TAF7: variants seen among roughly 807,000 people sequenced by gnomAD.
TAF7 encodes the protein transcription initiation factor TFIID subunit 7.
Under a neutral mutation model 25.3 loss-of-function variants are expected in TAF7, and 9 were observed. The observed-to-expected ratio is 0.36, with a 90% CI of 0.21 to 0.62. The LOEUF is 0.62. Ranked by LOEUF, TAF7 falls within the 20% of genes least tolerant of loss-of-function variation. The pLI is 0.72. For synonymous variants in TAF7, 127 were observed against 146.7 expected, an observed-to-expected ratio of 0.87 and a Z score of 0.97; for missense variants, 311 against 410.6, an observed-to-expected ratio of 0.76 and a Z score of 2.10.
In TAF7 at chr5:141,319,956, C is replaced by A; in HGVS notation, c.89G>T (p.Arg30Met). ...LPPEYASTVRRAVQSGHVNLK... is the reference protein window; with the variant it reads ...LPPEYASTVRMAVQSGHVNLK... Reference sequence around the variant, plus strand: ...GTTGACATGACCAGACTGTACTGCCCTTCTCACAGTAGAGGCATATTCTGG... The same window carrying A: ...GTTGACATGACCAGACTGTACTGCCATTCTCACAGTAGAGGCATATTCTGG... Residue 30 changes from arginine to methionine, a missense_variant, in exon 1 of 1, where the codon AGG becomes ATG. Physicochemically the swap from Arg to Met is moderately conservative, Grantham distance 91 (BLOSUM62 -1). Around this residue, in one of 3 missense-constraint regions of TAF7, gnomAD observed 119 missense variants for 159.3 expected, o/e 0.75. Transcript: ENST00000313368. The surrounding 1 kb of genome is among the most constrained non-coding windows in gnomAD (Gnocchi z 5.3). 6.2e-7 allele frequency: 1 copy of A among 1,613,998 alleles called. No homozygotes were observed. Among genetic ancestry groups the A allele is most frequent in the East Asian group, 2.2e-5 (1 of 44,878 alleles).
chr5:141,319,774 T>C lies in TAF7; in HGVS notation c.271A>G (p.Ile91Val), dbSNP rs1470768697. The change falls in exon 1 of 1, where the codon ATC (isoleucine) becomes GTC (valine). Residue 91 changes from isoleucine to valine, a missense_variant. Coordinates refer to ENST00000313368, the MANE Select transcript of TAF7 (RefSeq NM_005642.3). This position sits in a 1 kb window ranked among gnomAD's most constrained non-coding sequence, Gnocchi z 5.3. ...ACTGTGGATACAAGCATCTGACAGA[T>C]ATCAGCTGTCTTGTAAAAAGTTTTT... is the stretch of plus-strand genomic sequence containing the variant. ...DKKTFYKTAD[I>V]CQMLVSTVDG... The C allele has an allele frequency of 3.1e-6, 5 of 1,614,114 alleles. No homozygotes were observed. The highest frequency in any genetic ancestry group is 4.2e-6 in the Non-Finnish European group (5 of 1,180,038).
Position 141,319,803 on chromosome 5 carries a change from T to C in TAF7, c.242A>G (p.Asp81Gly), listed in dbSNP as rs1463341405. ...AGCTGTCTTGTAAAAAGTTTTTTTA[T>C]CAATGGTTTTCAAGCTTTCCATAAC... ...PCVMESLKTI[D>G]KKTFYKTADI... is the part of the protein sequence containing the mutation. Residue 81 changes from aspartate (D) to glycine (G), a missense_variant, in exon 1 of 1, where the codon GAT (aspartate) becomes GGT (glycine). Physicochemically the swap from Asp to Gly is moderately conservative, Grantham distance 94 (BLOSUM62 -1). Transcript: ENST00000313368. This position sits in a 1 kb window ranked among gnomAD's most constrained non-coding sequence, Gnocchi z 5.3. 1.2e-6 allele frequency: 2 copies of C among 1,613,958 alleles called. No homozygotes were observed. Among genetic ancestry groups the C allele is most frequent in the African/African-American group, 2.7e-5 (2 of 74,872 alleles).
In TAF7 at chr5:141,319,772, G is replaced by A. The variant is rs1366087509; in HGVS notation, c.273C>T (p.Ile91=). 1.2e-6 allele frequency: 2 copies of A among 1,614,126 alleles called. No homozygotes were observed. The highest frequency in any genetic ancestry group is 2.2e-5 in the South Asian group (2 of 91,080). Residue 91 remains isoleucine (I), a synonymous_variant, in exon 1 of 1, where the codon ATC becomes ATT. Coordinates refer to ENST00000313368, the MANE Select transcript of TAF7 (RefSeq NM_005642.3). This position sits in a 1 kb window ranked among gnomAD's most constrained non-coding sequence, Gnocchi z 5.3. ...DKKTFYKTAD[I]CQMLVSTVDG... ...CAACTGTGGATACAAGCATCTGACA[G>A]ATATCAGCTGTCTTGTAAAAAGTTT...
In TAF7 at chr5:141,320,780, G is replaced by C. The variant is rs761620151; in HGVS notation, c.-736C>G. 1 of 167,156 alleles carries C rather than the reference G, an allele frequency of 6.0e-6. No homozygotes were observed. Among genetic ancestry groups the C allele is most frequent in the Non-Finnish European group, 1.5e-5 (1 of 68,150 alleles). The allele number at this position is 167,156 out of a possible 1,614,324, so 10.4% of individuals were successfully genotyped here. A position where few individuals can be genotyped will look rare whatever the true frequency, so the allele number is the denominator to read the frequency against. Reference sequence around the variant, plus strand: ...CCGGGTCGCCTACCCAGCAAAAACGGAAGTGCTACGTCGCGACGCGGGGCG... The same window carrying C: ...CCGGGTCGCCTACCCAGCAAAAACGCAAGTGCTACGTCGCGACGCGGGGCG... On this transcript the variant is annotated 5_prime_UTR_variant, in exon 1 of 1. Transcript: ENST00000313368.
chr5:141,320,225 TTTCTC>T lies in TAF7; in HGVS notation c.-186_-182del, dbSNP rs1239711440. On this transcript the variant is annotated 5_prime_UTR_variant, in exon 1 of 1. Coordinates refer to ENST00000313368, the MANE Select transcript of TAF7 (RefSeq NM_005642.3). ...TAGTTTTTATTTAAGCTCCAAGTCT[TTTCTC>T]TAAATATGCTGTGACCGAATACCAG... 2 of 621,878 alleles carry T rather than the reference TTTCTC, an allele frequency of 3.2e-6. No individual in the cohort carries two copies. Among genetic ancestry groups the T allele is most frequent in the Non-Finnish European group, 5.7e-6 (2 of 348,928 alleles). 38.5% of individuals were successfully genotyped at this position (621,878 alleles called of 1,614,324 possible). A position where few individuals can be genotyped will look rare whatever the true frequency, so the allele number is the denominator to read the frequency against.
In TAF7 at chr5:141,319,121, T is replaced by G. The variant is rs771908534; in HGVS notation, c.924A>C (p.Lys308Asn). 6.2e-7 allele frequency: 1 copy of G among 1,614,154 alleles called. No homozygotes were observed. The highest frequency in any genetic ancestry group is 8.5e-7 in the Non-Finnish European group (1 of 1,180,014). ...RAKRQEDLIM[K>N]VENLALKNRF... ...TGTTCTTGAGAGCCAGATTTTCCAC[T>G]TTCATGATGAGATCCTCTTGTCGTT... Residue 308 changes from lysine (K) to asparagine (N), a missense_variant, in exon 1 of 1, where the codon AAA becomes AAC. Physicochemically the swap from Lys to Asn is moderately conservative, Grantham distance 94. Coordinates refer to ENST00000313368, the MANE Select transcript of TAF7 (RefSeq NM_005642.3). This position sits in a 1 kb window ranked among gnomAD's most constrained non-coding sequence, Gnocchi z 5.3.
In TAF7 at chr5:141,318,768, C is replaced by G. The variant is rs1756114726; in HGVS notation, c.*227G>C. The G allele has an allele frequency of 2.4e-6, 1 of 412,822 alleles. No homozygotes were observed. The highest frequency in any genetic ancestry group is 4.1e-5 in the Admixed American group (1 of 24,256). The allele number at this position is 412,822 out of a possible 1,614,324, so 25.6% of individuals were successfully genotyped here. On this transcript the variant is annotated 3_prime_UTR_variant, in exon 1 of 1. Transcript: ENST00000313368. ...TACATTCCGCTAATCCTGCAACTTTCCTACAATCATTTTTCTGCCTATACA... is the reference window on the plus strand; with the variant it reads ...TACATTCCGCTAATCCTGCAACTTTGCTACAATCATTTTTCTGCCTATACA...
In TAF7 at chr5:141,320,429, C is replaced by G. The variant is rs1016606224; in HGVS notation, c.-385G>C. On this transcript the variant is annotated 5_prime_UTR_variant, in exon 1 of 1. Coordinates refer to ENST00000313368, the MANE Select transcript of TAF7 (RefSeq NM_005642.3). ...ACGGTTTTCGGCCCAGAAAGCCCAG[C>G]AGAGATACTTTCAACTCACAAACTC... is the stretch of plus-strand genomic sequence containing the variant. The G allele has an allele frequency of 1.6e-5, 3 of 184,964 alleles. No homozygotes were observed. The highest frequency in any genetic ancestry group is 7.2e-5 in the African/African-American group (3 of 41,820). 11.5% of individuals were successfully genotyped at this position (184,964 alleles called of 1,614,324 possible).
Position 141,319,891 on chromosome 5 carries a change from G to A in TAF7, c.154C>T (p.Arg52Cys). The stretch of plus-strand genomic sequence containing the variant: ...CGGTCCACTCTGACGATTCCATGAC[G>A]CCCATCAGGATGTAACTCAATTGTC... ...RLTIELHPDGRHGIVRVDRVP... is the reference protein window; with the variant it reads ...RLTIELHPDGCHGIVRVDRVP... Residue 52 changes from arginine (R) to cysteine (C), a missense_variant, in exon 1 of 1, where the codon CGT becomes TGT. Physicochemically the swap from Arg to Cys is radical, Grantham distance 180. This residue lies in a region of TAF7 where 119 missense variants were observed against 159.3 expected (regional missense o/e 0.75). Coordinates refer to ENST00000313368, the MANE Select transcript of TAF7 (RefSeq NM_005642.3). This position sits in a 1 kb window ranked among gnomAD's most constrained non-coding sequence, Gnocchi z 5.3. 1 of 1,614,122 alleles carries A rather than the reference G, an allele frequency of 6.2e-7. No homozygotes were observed. Among genetic ancestry groups the A allele is most frequent in the Non-Finnish European group, 8.5e-7 (1 of 1,180,024 alleles).
Position 141,319,241 on chromosome 5 carries a change from G to C in TAF7, c.804C>G (p.His268Gln), listed in dbSNP as rs530657871. The C allele has an allele frequency of 1.2e-6, 2 of 1,613,736 alleles. No individual in the cohort carries two copies. The highest frequency in any genetic ancestry group is 2.2e-5 in the South Asian group (2 of 91,066). Residue 268 changes from histidine to glutamine, a missense_variant, in exon 1 of 1, where the codon CAC becomes CAG. His to Gln is a conservative substitution (Grantham distance 24). Around this residue, in one of 3 missense-constraint regions of TAF7, gnomAD observed 179 missense variants for 206.7 expected, o/e 0.87. Coordinates refer to ENST00000313368, the MANE Select transcript of TAF7 (RefSeq NM_005642.3). The surrounding 1 kb of genome is among the most constrained non-coding windows in gnomAD (Gnocchi z 5.3). Reference sequence around the variant, plus strand: ...GCTGATTGGTTCCTTCATTTTCCTGGTGCTGTTCATCTGATTCATTTAGCT... The same window carrying C: ...GCTGATTGGTTCCTTCATTTTCCTGCTGCTGTTCATCTGATTCATTTAGCT... Reference protein sequence around the residue: ...QDKLNESDEQHQENEGTNQLV... With the variant: ...QDKLNESDEQQQENEGTNQLV...
At position 141,319,672 on chromosome 5, in the gene TAF7, C is replaced by T. The variant is rs1394007330; in HGVS notation, c.373G>A (p.Asp125Asn). The T allele has an allele frequency of 3.7e-6, 6 of 1,614,136 alleles. No homozygotes were observed. The highest frequency in any genetic ancestry group is 5.1e-6 in the Non-Finnish European group (6 of 1,180,032). Residue 125 changes from aspartate (D) to asparagine (N), a missense_variant, in exon 1 of 1, where the codon GAC (aspartate) becomes AAC (asparagine). By Grantham distance (23) the Asp-to-Asn change is conservative (BLOSUM62 1). Coordinates refer to ENST00000313368, the MANE Select transcript of TAF7 (RefSeq NM_005642.3). This position sits in a 1 kb window ranked among gnomAD's most constrained non-coding sequence, Gnocchi z 5.3. ...DPKASKKKDK[D>N]KEKKFIWNHG... The stretch of plus-strand genomic sequence containing the variant: ...TTCCAGATAAACTTTTTCTCTTTGT[C>T]CTTATCCTTTTTCTTGCTTGCTTTA...
In TAF7 at chr5:141,320,187, G is replaced by C; in HGVS notation, c.-143C>G. 2 of 727,626 alleles carry C rather than the reference G, an allele frequency of 2.7e-6. No individual in the cohort carries two copies. The highest frequency in any genetic ancestry group is 4.5e-6 in the Non-Finnish European group (2 of 442,108). 45.1% of individuals were successfully genotyped at this position (727,626 alleles called of 1,614,324 possible). A position where few individuals can be genotyped will look rare whatever the true frequency, so the allele number is the denominator to read the frequency against. On this transcript the variant is annotated 5_prime_UTR_variant, in exon 1 of 1. Transcript: ENST00000313368. Reference sequence around the variant, plus strand: ...GTTCTCTGTAGATCAGCAGCTAAGCGTCTATTTTGCCTTAGTTTTTATTTA... The same window carrying C: ...GTTCTCTGTAGATCAGCAGCTAAGCCTCTATTTTGCCTTAGTTTTTATTTA...
At position 141,320,721 on chromosome 5, in the gene TAF7, C is replaced by T. The variant is rs1380064367; in HGVS notation, c.-677G>A. ...AAATCTTGCCGAGAGGCGCAGCTCGCATCACCAGACCCCGCACCTCGCCGG... is the reference window on the plus strand; with the variant it reads ...AAATCTTGCCGAGAGGCGCAGCTCGTATCACCAGACCCCGCACCTCGCCGG... On this transcript the variant is annotated 5_prime_UTR_variant, in exon 1 of 1. The change abolishes an upstream ATG in the 5' untranslated region. Coordinates refer to ENST00000313368, the MANE Select transcript of TAF7 (RefSeq NM_005642.3). 6.0e-6 allele frequency: 1 copy of T among 167,360 alleles called. No homozygotes were observed. Among genetic ancestry groups the T allele is most frequent in the Non-Finnish European group, 1.5e-5 (1 of 68,200 alleles). The allele number at this position is 167,360 out of a possible 1,614,324, so 10.4% of individuals were successfully genotyped here.
chr5:141,319,591 C>T lies in TAF7; in HGVS notation c.454G>A (p.Ala152Thr). The change falls in exon 1 of 1, where the codon GCA becomes ACA. Residue 152 changes from alanine to threonine, a missense_variant. Ala to Thr is a moderately conservative substitution (Grantham distance 58). Transcript: ENST00000313368. The surrounding 1 kb of genome is among the most constrained non-coding windows in gnomAD (Gnocchi z 5.3). Reference sequence around the variant, plus strand: ...GGAGATTCAATATATTTCTTCTTTGCTGTCTTCCGGAACCTTCTCTTCCTG... The same window carrying T: ...GGAGATTCAATATATTTCTTCTTTGTTGTCTTCCGGAACCTTCTCTTCCTG... Reference protein sequence around the residue: ...NVRKRRFRKTAKKKYIESPDV... With the variant: ...NVRKRRFRKTTKKKYIESPDV... 1.2e-6 allele frequency: 2 copies of T among 1,614,064 alleles called. No individual in the cohort carries two copies. The highest frequency in any genetic ancestry group is 1.7e-6 in the Non-Finnish European group (2 of 1,180,020).
rs1038209700 is a variant in TAF7 at position 141,318,924 on chromosome 5, C to A, written c.*71G>T. On this transcript the variant is annotated 3_prime_UTR_variant, in exon 1 of 1. Coordinates refer to ENST00000313368, the MANE Select transcript of TAF7 (RefSeq NM_005642.3). The stretch of plus-strand genomic sequence containing the variant: ...GACTAGGAAGAGCAAGGTCTTAATA[C>A]CCAGTACAATAAAGCCAAGAATTTT... The A allele has an allele frequency of 1.5e-6, 2 of 1,304,104 alleles. No homozygotes were observed. Among genetic ancestry groups the A allele is most frequent in the African/African-American group, 3.0e-5 (2 of 67,210 alleles). 80.8% of individuals were successfully genotyped at this position (1,304,104 alleles called of 1,614,324 possible).
At position 141,318,924 on chromosome 5, in the gene TAF7, C is replaced by G. The variant is rs1038209700; in HGVS notation, c.*71G>C. The G allele has an allele frequency of 1.5e-6, 2 of 1,304,104 alleles. No homozygotes were observed. The allele number at this position is 1,304,104 out of a possible 1,614,324, so 80.8% of individuals were successfully genotyped here. A position where few individuals can be genotyped will look rare whatever the true frequency, so the allele number is the denominator to read the frequency against. ...GACTAGGAAGAGCAAGGTCTTAATA[C>G]CCAGTACAATAAAGCCAAGAATTTT... On this transcript the variant is annotated 3_prime_UTR_variant, in exon 1 of 1. Coordinates refer to ENST00000313368, the MANE Select transcript of TAF7 (RefSeq NM_005642.3).
In TAF7 at chr5:141,320,737, A is replaced by T. The variant is rs1588433179; in HGVS notation, c.-693T>A. On this transcript the variant is annotated 5_prime_UTR_variant, in exon 1 of 1. Coordinates refer to ENST00000313368, the MANE Select transcript of TAF7 (RefSeq NM_005642.3). Reference sequence around the variant, plus strand: ...CGCAGCTCGCATCACCAGACCCCGCACCTCGCCGGCCCTCCGTCCGGGTCG... The same window carrying T: ...CGCAGCTCGCATCACCAGACCCCGCTCCTCGCCGGCCCTCCGTCCGGGTCG... 6.0e-6 allele frequency: 1 copy of T among 167,132 alleles called. No individual in the cohort carries two copies. The highest frequency in any genetic ancestry group is 2.4e-5 in the African/African-American group (1 of 41,454). The allele number at this position is 167,132 out of a possible 1,614,324, so 10.4% of individuals were successfully genotyped here.
chr5:141,319,631 C>G lies in TAF7; in HGVS notation c.414G>C (p.Leu138=). ...KKFIWNHGIT[L]PLKNVRKRRF... is the part of the protein sequence containing the mutation. ...TTCTCTTCCTGACATTCTTTAGAGGCAGAGTAATTCCGTGGTTCCAGATAA... is the reference window on the plus strand; with the variant it reads ...TTCTCTTCCTGACATTCTTTAGAGGGAGAGTAATTCCGTGGTTCCAGATAA... Residue 138 remains leucine (L), a synonymous_variant, in exon 1 of 1, where the codon CTG becomes CTC. Transcript: ENST00000313368. The surrounding 1 kb of genome is among the most constrained non-coding windows in gnomAD (Gnocchi z 5.3). The G allele has an allele frequency of 6.2e-7, 1 of 1,614,148 alleles. No individual in the cohort carries two copies. The highest frequency in any genetic ancestry group is 8.5e-7 in the Non-Finnish European group (1 of 1,180,042).
In TAF7 at chr5:141,320,217, C is replaced by G. The variant is rs1756137310; in HGVS notation, c.-173G>C. The G allele has an allele frequency of 1.6e-6, 1 of 636,402 alleles. No homozygotes were observed. Among genetic ancestry groups the G allele is most frequent in the Non-Finnish European group, 2.8e-6 (1 of 361,408 alleles). The allele number at this position is 636,402 out of a possible 1,614,324, so 39.4% of individuals were successfully genotyped here. A position where few individuals can be genotyped will look rare whatever the true frequency, so the allele number is the denominator to read the frequency against. On this transcript the variant is annotated 5_prime_UTR_variant, in exon 1 of 1. Coordinates refer to ENST00000313368, the MANE Select transcript of TAF7 (RefSeq NM_005642.3). ...TTTTGCCTTAGTTTTTATTTAAGCT[C>G]CAAGTCTTTTCTCTAAATATGCTGT...
Sources: allele counts gnomAD v4.1 joint callset, GRCh38; gene constraint gnomAD v4.1.1; regional missense constraint gnomAD v4.1.1; non-coding constraint Gnocchi (gnomAD v3.1); transcripts MANE v1.5; gene names NCBI Gene and HGNC (gene_info 2026-07-23, HGNC 2026-07-21).